RPL13: variants seen among roughly 807,000 people sequenced by gnomAD.
RPL13 encodes ribosomal protein L13, also known as large ribosomal subunit protein eL13.
A neutral mutation model predicts 21.4 loss-of-function variants in RPL13; 1 was observed. That is an observed-to-expected ratio of 0.05 (90% CI 0.02 to 0.22). The LOEUF is 0.22. Ranked by LOEUF, RPL13 falls within the 10% of genes least tolerant of loss-of-function variation. RPL13 has a pLI of 1.00. For synonymous variants in RPL13, 143 were observed against 120.5 expected (o/e 1.19, Z -1.23); for missense variants, 289 against 303.0 (o/e 0.95, Z 0.34).
downstream of RPL13, chr16:89,566,057 C>G (rs576671811): frequency 6.6e-6 from 1 of 152,354 alleles, no homozygotes; most frequent in African/African-American, 2.4e-5. Context: ...CCGGGGAGCA[C>G]GGGCTGGCTC....
chr16:89,563,086 C>A lies in RPL13; in HGVS notation c.*44C>A. On this transcript the variant is annotated 3_prime_UTR_variant, in exon 6 of 6. Transcript: ENST00000311528. ...GAATCAGTCGGCAGTCATGCTGGGT[C>A]TCCACGTGGTGTGTTTCGTGGGAAC... 1 of 1,447,786 alleles carries A rather than the reference C, an allele frequency of 6.9e-7. No individual in the cohort carries two copies. The highest frequency in any genetic ancestry group is 9.1e-7 in the Non-Finnish European group (1 of 1,094,580). The allele number at this position is 1,447,786 out of a possible 1,614,324, so 89.7% of individuals were successfully genotyped here.
At position 89,563,173 on chromosome 16, in the gene RPL13, T is replaced by C. The variant is rs2058759092; in HGVS notation, c.*131T>C. ...CCTCCTGCCAGGGGATTTGGGGCTT[T>C]CTTGAAAGACAGTCCAAGCCCTGGA... On this transcript the variant is annotated 3_prime_UTR_variant, in exon 6 of 6. Coordinates refer to ENST00000311528, the MANE Select transcript of RPL13 (RefSeq NM_000977.4). The C allele has an allele frequency of 5.6e-6, 5 of 898,298 alleles. No homozygotes were observed. Among genetic ancestry groups the C allele is most frequent in the Admixed American group, 4.0e-5 (1 of 24,834 alleles). 55.6% of individuals were successfully genotyped at this position (898,298 alleles called of 1,614,324 possible).
At chr16:89,561,886 T>G (rs1273973508) in intron 4 of RPL13, 135 bp downstream of exon 4, 1 of 981,246 alleles carries the variant, frequency 1.0e-6, no homozygotes, top group Non-Finnish European at 1.5e-6. Flanking sequence ...TAAGCGGGAC[T>G]GCTAAGGTTC....
rs1567940920 is a variant in RPL13, at chr16:89,561,594, A to G, written c.263A>G (p.Lys88Arg). ...LEELRVAGIH[K>R]KVARTIGISV... ...CTGGGGCAGGTGGCCGGCATTCACA[A>G]GAAGGTGGCCCGGACCATCGGCATT... The change falls in exon 4 of 6, where the codon AAG becomes AGG. Residue 88 changes from lysine to arginine, a missense_variant. Transcript: ENST00000311528. 1.2e-6 allele frequency: 2 copies of G among 1,613,562 alleles called. No individual in the cohort carries two copies. Among genetic ancestry groups the G allele is most frequent in the Non-Finnish European group, 1.7e-6 (2 of 1,180,030 alleles).
intron 4 of RPL13, 176 bp downstream of exon 4, chr16:89,561,927 T>A: frequency 2.7e-6 from 2 of 731,302 alleles, no homozygotes; most frequent in Non-Finnish European, 4.4e-6. Flanking sequence ...ATAACCTTAA[T>A]GGACATGGCA....
chr16:89,562,933 T>A lies in RPL13; in HGVS notation c.527T>A (p.Phe176Tyr), dbSNP rs766263226. ...ARVITEEEKN[F>Y]KAFASLRMAR... is the part of the protein sequence containing the mutation. ...GTCATCACTGAGGAAGAGAAGAATT[T>A]CAAAGCCTTCGCTAGTCTCCGTATG... Residue 176 changes from phenylalanine to tyrosine, a missense_variant, in exon 6 of 6, where the codon TTC becomes TAC. Coordinates refer to ENST00000311528, the MANE Select transcript of RPL13 (RefSeq NM_000977.4). 19 of 1,595,898 alleles carry A rather than the reference T, an allele frequency of 1.2e-5. No individual in the cohort carries two copies. In the South Asian group the frequency reaches 1.7e-4, roughly 14 times the overall value.
chr16:89,561,178 C>A, intron 2 of RPL13, 49 bp from the exon 3 acceptor site: 1 of 1,516,474 alleles, frequency 6.6e-7, no homozygotes, highest in Non-Finnish European at 8.8e-7. Flanking sequence ...GGAGCGCTGG[C>A]CTGGCGGCCT....
intron 4 of RPL13, 58 bp downstream of exon 4, chr16:89,561,809 T>C: frequency 6.4e-7 from 1 of 1,570,626 alleles, no homozygotes; most frequent in Non-Finnish European, 8.7e-7. Context: ...CTTGGCTCCT[T>C]TATCAGTGAC....
chr16:89,561,731 C>A lies in RPL13; in HGVS notation c.400C>A (p.Pro134Thr). 1 of 1,613,694 alleles carries A rather than the reference C, an allele frequency of 6.2e-7. No homozygotes were observed. Among genetic ancestry groups the A allele is most frequent in the African/African-American group, 1.3e-5 (1 of 75,052 alleles). Residue 134 changes from proline (P) to threonine (T), a missense_variant, in exon 4 of 6, where the codon CCC (proline) becomes ACC (threonine). By Grantham distance (38) the Pro-to-Thr change is conservative. Coordinates refer to ENST00000311528, the MANE Select transcript of RPL13 (RefSeq NM_000977.4). ...CCTCTTCCCCAGGAAGCCCTCGGCC[C>A]CCAAGAAGGGAGACAGTTCTGTGAG... The part of the protein sequence containing the change: ...LILFPRKPSA[P>T]KKGDSSAEEL...
intron 5 of RPL13, 191 bp from the exon 6 acceptor site, chr16:89,562,693 G>T: frequency 1.7e-6 from 1 of 603,334 alleles, no homozygotes. Context: ...GCCATGTCCA[G>T]CTCAGGGAGG....
chr16:89,563,120 C>G lies in RPL13; in HGVS notation c.*78C>G. ...GTGTGTTTCGTGGGAACAACTGGGC[C>G]TGGGATGGGGCTTCACTGCTGTGAC... On this transcript the variant is annotated 3_prime_UTR_variant, in exon 6 of 6. Transcript: ENST00000311528. The G allele has an allele frequency of 1.5e-6, 2 of 1,331,122 alleles. No individual in the cohort carries two copies. Among genetic ancestry groups the G allele is most frequent in the Non-Finnish European group, 2.0e-6 (2 of 1,018,406 alleles). The allele number at this position is 1,331,122 out of a possible 1,614,324, so 82.5% of individuals were successfully genotyped here. A position where few individuals can be genotyped will look rare whatever the true frequency, so the allele number is the denominator to read the frequency against.
intron 5 of RPL13, 59 bp downstream of exon 5, chr16:89,562,450 G>A: frequency 1.3e-6 from 2 of 1,540,060 alleles, no homozygotes. Context: ...GAACACGTGG[G>A]TATCTGAGAT....
chr16:89,560,688 G>T lies in RPL13; in HGVS notation c.-45G>T, dbSNP rs899322324. The T allele has an allele frequency of 2.6e-6, 1 of 383,164 alleles. No homozygotes were observed. Among genetic ancestry groups the T allele is most frequent in the African/African-American group, 2.1e-5 (1 of 46,622 alleles). 23.7% of individuals were successfully genotyped at this position (383,164 alleles called of 1,614,324 possible). On this transcript the variant is annotated 5_prime_UTR_variant, in exon 1 of 6. Transcript: ENST00000311528. ...TGCATTGCGGGGCCGCTTCCTTTCCGCTCGGCTGTTTTCCTGCGCAGGAGG... is the reference window on the plus strand; with the variant it reads ...TGCATTGCGGGGCCGCTTCCTTTCCTCTCGGCTGTTTTCCTGCGCAGGAGG...
rs2058761368 is a variant in RPL13 at position 89,563,567 on chromosome 16, C to CT, written c.*526dup. ...CACTCTAGCCTGGGCAACAGTGAGA[C>CT]TGTCTCAAAAAAAAAAAAAGAGACA... is the stretch of plus-strand genomic sequence containing the variant. On this transcript the variant is annotated 3_prime_UTR_variant, in exon 6 of 6. Transcript: ENST00000311528. 6.8e-6 allele frequency: 1 copy of CT among 146,306 alleles called. No individual in the cohort carries two copies. Among genetic ancestry groups the CT allele is most frequent in the Non-Finnish European group, 1.5e-5 (1 of 65,960 alleles). The allele number at this position is 146,306 out of a possible 1,614,324, so 9.1% of individuals were successfully genotyped here.
chr16:89,562,275 A>G (rs1310483246), intron 4 of RPL13, 60 bp from the exon 5 acceptor site: 7 of 1,538,812 alleles, frequency 4.5e-6, no homozygotes, highest in Non-Finnish European at 6.3e-6. Flanking sequence ...GGGCCAGGTG[A>G]GGGTGGAGTC....
Position 89,563,328 on chromosome 16 carries a change from C to G in RPL13, c.*286C>G, listed in dbSNP as rs3211567. ...CTTGTGTTTTTTCTTTTTAAAGAGG[C>G]AAGGTTGGGCTGGTGCTCACAGCTG... On this transcript the variant is annotated 3_prime_UTR_variant, in exon 6 of 6. Coordinates refer to ENST00000311528, the MANE Select transcript of RPL13 (RefSeq NM_000977.4). The G allele has an allele frequency of 9.1e-6, 2 of 220,948 alleles. No individual in the cohort carries two copies. The highest frequency in any genetic ancestry group is 1.8e-5 in the Non-Finnish European group (2 of 113,126). The allele number at this position is 220,948 out of a possible 1,614,324, so 13.7% of individuals were successfully genotyped here.
intron 5 of RPL13, chr16:89,562,602 G>GTT: frequency 1.7e-6 from 1 of 591,632 alleles, no homozygotes; most frequent in South Asian, 2.4e-5. Context: ...TTTGTTTTGT[G>GTT]TTTTTTTGTT....
Position 89,563,248 on chromosome 16 carries a change from C to T in RPL13, c.*206C>T, listed in dbSNP as rs567494846. ...GCACTGTTGGTTGTTTGGTTAGTGA[C>T]TGATGTAAAACGGTTTTCTTGTGGG... On this transcript the variant is annotated 3_prime_UTR_variant, in exon 6 of 6. Coordinates refer to ENST00000311528, the MANE Select transcript of RPL13 (RefSeq NM_000977.4). The T allele has an allele frequency of 2.3e-6, 1 of 437,524 alleles. No homozygotes were observed. Among genetic ancestry groups the T allele is most frequent in the East Asian group, 3.9e-5 (1 of 25,338 alleles). The allele number at this position is 437,524 out of a possible 1,614,324, so 27.1% of individuals were successfully genotyped here. A position where few individuals can be genotyped will look rare whatever the true frequency, so the allele number is the denominator to read the frequency against.
intron 4 of RPL13, 68 bp downstream of exon 4, chr16:89,561,819 C>T (rs1597675181): frequency 5.2e-6 from 8 of 1,540,670 alleles, no homozygotes; most frequent in Middle Eastern, 1.8e-4. Flanking sequence ...TTATCAGTGA[C>T]ACCGGTCCCT....
Sources: gnomAD v4.1 joint callset for allele counts on GRCh38, gnomAD v4.1.1 for gene constraint, MANE v1.5 for transcripts, NCBI Gene and HGNC (gene_info 2026-07-23, HGNC 2026-07-21) for gene names.